Variants in ATP8A2 observed in about 807,000 individuals in gnomAD.
The protein encoded by ATP8A2 is ATPase phospholipid transporting 8A2.
ATP8A2 carries 100 observed loss-of-function variants against 165.6 expected under a neutral mutation model. The ratio of observed to expected loss-of-function variants is 0.60; its 90% CI spans 0.51 to 0.71. The LOEUF (loss-of-function observed/expected upper bound fraction) is 0.71, where lower values mean the gene tolerates loss of function less well. ATP8A2 is among the 30% of genes least tolerant of loss of function. The pLI is 0.00. For missense variants in ATP8A2, 1,227 were observed against 1,479.5 expected, an observed-to-expected ratio of 0.83 and a Z score of 2.80; for synonymous variants, 543 against 548.8, an observed-to-expected ratio of 0.99 and a Z score of 0.15.
intron 24 of ATP8A2, among the ~76,000 whole-genome samples, chr13:25,664,742 A>G (rs1566026915): frequency 6.6e-6 from 1 of 152,172 alleles, no homozygotes; most frequent in Non-Finnish European, 1.5e-5. Context: ...GAGATGTGAA[A>G]GATTTTTCCA....
rs563484149 is a variant in ATP8A2, at chr13:25,991,741, A to G, written c.3378-20790A>G. ...TGTACCACGCGTTGCTTGACCATTC[A>G]TCCGTTGAAGGAGATCTGGATTTCC... On this transcript the variant is annotated intron_variant, in intron 35 of 36. Transcript: ENST00000381655. Among the ~76,000 whole-genome samples the G allele has an allele frequency of 1.2e-4, 19 of 152,282 alleles. No individual in the cohort carries two copies. The Middle Eastern group carries it at 0.01, about 82-fold the overall frequency.
chr13:25,468,704 TG>T, intron 1 of ATP8A2: 3 of 408,336 alleles, frequency 7.3e-6, no homozygotes, highest in East Asian at 1.6e-4. Flanking sequence ...GCGCAGGAGC[TG>T]GGGGCGGCTC....
At chr13:25,875,834 A>C (rs1490158857) in intron 33 of ATP8A2, among the ~76,000 whole-genome samples, 1 of 152,230 alleles carries the variant, frequency 6.6e-6, no homozygotes, top group African/African-American at 2.4e-5. Flanking sequence ...GGAGAGGCAT[A>C]AATGAAATTA....
chr13:25,953,808 C>T lies in ATP8A2; in HGVS notation c.3184-7767C>T, dbSNP rs1017582107. ...CGTGAGGGACTGTGCTGTAAGGAAC[C>T]ATGCATTCCGTCCCAGATACTATGC... On this transcript the variant is annotated intron_variant, in intron 33 of 36. Transcript: ENST00000381655. This position sits in a 1 kb window ranked among gnomAD's most constrained non-coding sequence, Gnocchi z 6.7. 6.6e-6 allele frequency among the ~76,000 whole-genome samples: 1 copy of T among 152,166 alleles called. No homozygotes were observed. Among genetic ancestry groups the T allele is most frequent in the Non-Finnish European group, 1.5e-5 (1 of 68,032 alleles).
intron 1 of ATP8A2, among the ~76,000 whole-genome samples, chr13:25,374,141 G>C (rs1334202733): frequency 1.3e-5 from 2 of 152,172 alleles, no homozygotes; most frequent in South Asian, 2.1e-4. Flanking sequence ...GAAGGGGCCT[G>C]AGAGGATGGC....
At chr13:25,517,758 G>A (rs2037527653) in intron 2 of ATP8A2, among the ~76,000 whole-genome samples, 1 of 152,154 alleles carries the variant, frequency 6.6e-6, no homozygotes, top group South Asian at 2.1e-4. Context: ...CTAAGAATTA[G>A]GAACATGTTG....
intron 2 of ATP8A2, among the ~76,000 whole-genome samples, chr13:25,517,752 G>A (rs1381336578): frequency 6.6e-6 from 1 of 152,188 alleles, no homozygotes; most frequent in African/African-American, 2.4e-5. Flanking sequence ...TGTAGACTAA[G>A]AATTAGGAAC....
At chr13:25,674,274 G>A (rs778986524) in intron 24 of ATP8A2, among the ~76,000 whole-genome samples, 22 of 143,622 alleles carry the variant, frequency 1.5e-4, no homozygotes, top group African/African-American at 5.9e-4. Context: ...GTCCCCCCCC[G>A]AAAACTAAAT....
At chr13:25,717,566 T>C (rs1372015130) in intron 25 of ATP8A2, among the ~76,000 whole-genome samples, 1 of 152,212 alleles carries the variant, frequency 6.6e-6, no homozygotes, top group Non-Finnish European at 1.5e-5. Context: ...TACTTTAATG[T>C]ACTTCTTTTA....
intron 1 of ATP8A2, among the ~76,000 whole-genome samples, chr13:25,442,900 T>C (rs1313719735): frequency 6.6e-6 from 1 of 152,202 alleles, no homozygotes; most frequent in East Asian, 1.9e-4. Flanking sequence ...CAATTTGTTG[T>C]TGTTGTTGAT....
At chr13:25,860,317 C>G in intron 31 of ATP8A2, 61 bp downstream of exon 31, 1 of 1,035,680 alleles carries the variant, frequency 9.7e-7, no homozygotes, top group East Asian at 2.4e-5. Context: ...TTGCACTTCT[C>G]TAAACCCTTA....
At chr13:25,513,004 G>T (rs1415356727) in intron 2 of ATP8A2, among the ~76,000 whole-genome samples, 1 of 145,238 alleles carries the variant, frequency 6.9e-6, no homozygotes, top group African/African-American at 2.5e-5. Flanking sequence ...TGGCCGGGCG[G>T]GGGGCTGACC....
At chr13:25,949,767 A>G (rs1003208679) in intron 33 of ATP8A2, among the ~76,000 whole-genome samples, 1 of 152,106 alleles carries the variant, frequency 6.6e-6, no homozygotes, top group South Asian at 2.1e-4. Flanking sequence ...ACGTTGCTTT[A>G]TTTATGTTGT....
chr13:25,900,964 T>A (rs1434110106), intron 33 of ATP8A2, among the ~76,000 whole-genome samples: 3 of 152,122 alleles, frequency 2.0e-5, no homozygotes, highest in Non-Finnish European at 4.4e-5. Flanking sequence ...TGGATCAAGA[T>A]GGAAGAAAAG....
At chr13:25,713,688 A>C (rs1475183) in intron 25 of ATP8A2, among the ~76,000 whole-genome samples, 36,863 of 152,154 alleles carry the variant, frequency 0.24, 6,704 homozygotes, top group African/African-American at 0.51. Flanking sequence ...CGTGTTCTTG[A>C]GATGACTTTG....
intron 23 of ATP8A2, among the ~76,000 whole-genome samples, chr13:25,589,038 G>A (rs1333845330): frequency 6.6e-6 from 1 of 152,034 alleles, no homozygotes; most frequent in Admixed American, 6.6e-5. Flanking sequence ...AACCCATAGA[G>A]ATAACTTTAC....
chr13:25,862,533 T>G, intron 33 of ATP8A2, 125 bp downstream of exon 33: 1 of 704,326 alleles, frequency 1.4e-6, no homozygotes, highest in African/African-American at 1.7e-5. Flanking sequence ...TGGTCCTTCC[T>G]GCTTCCATCA....
intron 2 of ATP8A2, among the ~76,000 whole-genome samples, chr13:25,483,016 G>C (rs999967360): frequency 3.9e-5 from 6 of 152,214 alleles, no homozygotes; most frequent in Non-Finnish European, 8.8e-5. Context: ...TACTGGAGAC[G>C]GGCTGCTATA....
chr13:25,451,620 A>AT (rs903090154), intron 1 of ATP8A2, among the ~76,000 whole-genome samples: 7 of 151,632 alleles, frequency 4.6e-5, no homozygotes, highest in Non-Finnish European at 7.4e-5. Context: ...TTGATGTGCA[A>AT]TTTTTTTTGT....
Sources: allele counts gnomAD v4.1 joint callset (sites outside exome capture counted in the v4.1 genomes callset), GRCh38; gene constraint gnomAD v4.1.1; non-coding constraint Gnocchi (gnomAD v3.1); transcripts MANE v1.5; gene names NCBI Gene and HGNC (gene_info 2026-07-23, HGNC 2026-07-21).